Variants in IRAK2 observed in about 807,000 individuals in gnomAD.
The protein encoded by IRAK2 is interleukin-1 receptor-associated kinase-like 2.
IRAK2 carries 57 observed loss-of-function variants against 72.0 expected under a neutral mutation model. The ratio of observed to expected loss-of-function variants is 0.79; its 90% confidence interval spans 0.64 to 0.99. The LOEUF (loss-of-function observed/expected upper bound fraction) is 0.99. IRAK2 is among the 50% of genes least tolerant of loss of function. The pLI, the probability that IRAK2 is intolerant of heterozygous loss-of-function variation, is 0.00. For synonymous variants in IRAK2, 293 were observed against 312.7 expected, an observed-to-expected ratio of 0.94 and a Z score of 0.67; for missense variants, 790 against 794.4, an observed-to-expected ratio of 0.99 and a Z score of 0.07.
chr3:10,183,829 G>T (rs888222659), intron 2 of IRAK2, among the ~76,000 whole-genome samples: 5 of 152,226 alleles, frequency 3.3e-5, no homozygotes, highest in African/African-American at 1.2e-4. Flanking sequence ...GCTGGCCAGA[G>T]TCAGCCCCTT....
rs192908659 is a variant in IRAK2 at position 10,186,064 on chromosome 3, C to T, written c.277+8044C>T. ...CAGCCTGGGTGACAGAGCAAGACTC[C>T]GTCTCAACAACAACAACAACAACAA... On this transcript the variant is annotated intron_variant, in intron 2 of 12. Coordinates refer to ENST00000256458, the MANE Select transcript of IRAK2 (RefSeq NM_001570.4). Among the ~76,000 whole-genome samples the T allele has an allele frequency of 1.0e-3, 154 of 150,614 alleles. 1 individual carries two copies. The highest frequency in any genetic ancestry group is 7.9e-4 in the Non-Finnish European group (54 of 67,990).
Position 10,216,004 on chromosome 3 carries a change from T to TA in IRAK2, c.789-928dup, listed in dbSNP as rs958287230. 2.0e-4 allele frequency among the ~76,000 whole-genome samples: 31 copies of TA among 152,100 alleles called. 1 individual carries two copies. The highest frequency in any genetic ancestry group is 5.8e-4 in the African/African-American group (24 of 41,478). On this transcript the variant is annotated intron_variant, in intron 6 of 12. Coordinates refer to ENST00000256458, the MANE Select transcript of IRAK2 (RefSeq NM_001570.4). ...GAGACTGACATGTAAATAACTCTAA[T>TA]AAGTATGCAAAAGCGAGTAATAGGA...
intron 2 of IRAK2, 55 bp downstream of exon 2, chr3:10,178,075 C>G: frequency 2.8e-6 from 4 of 1,418,208 alleles, no homozygotes; most frequent in Middle Eastern, 2.5e-4. Context: ...TGAGCAGTTT[C>G]CATCCGTGTG....
intron 3 of IRAK2, among the ~76,000 whole-genome samples, chr3:10,206,878 A>ATC (rs1697441248): frequency 6.8e-6 from 1 of 147,414 alleles, no homozygotes; most frequent in African/African-American, 2.5e-5. Context: ...TTTTTTTGAT[A>ATC]CAGTCTCGCT....
At chr3:10,224,286 G>A (rs399977) in intron 9 of IRAK2, among the ~76,000 whole-genome samples, 10,011 of 150,356 alleles carry the variant, frequency 0.067, 502 homozygotes, top group East Asian at 0.21. Context: ...GCAGTAAGCC[G>A]AGATCGCGCC....
intron 12 of IRAK2, 111 bp from the exon 13 acceptor site, chr3:10,242,005 G>A (rs1698068149): frequency 3.8e-6 from 2 of 527,556 alleles, no homozygotes; most frequent in Non-Finnish European, 6.7e-6. Context: ...AAAAAGAAAT[G>A]CTCATTACAC....
chr3:10,164,943 C>G lies in IRAK2; in HGVS notation c.-12C>G, dbSNP rs1696654824. ...CAGTCGTCCCGCGCCGGAGCCGGCCCCGTAGCGTGCCATGGCCTGCTACAT... is the reference window on the plus strand; with the variant it reads ...CAGTCGTCCCGCGCCGGAGCCGGCCGCGTAGCGTGCCATGGCCTGCTACAT... On this transcript the variant is annotated 5_prime_UTR_variant, in exon 1 of 13. Transcript: ENST00000256458. The G allele has an allele frequency of 2.5e-6, 4 of 1,599,762 alleles. No individual in the cohort carries two copies. Among genetic ancestry groups the G allele is most frequent in the South Asian group, 1.1e-5 (1 of 89,612 alleles).
chr3:10,222,812 A>G lies in IRAK2; in HGVS notation c.1190A>G (p.Asp397Gly). ...IRVGQLTKRV[D>G]IFSCGIVLAE... Reference sequence around the variant, plus strand: ...GTGGGGCAGCTGACAAAGCGAGTGGACATCTTCAGCTGTGGAATAGTAAGA... The same window carrying G: ...GTGGGGCAGCTGACAAAGCGAGTGGGCATCTTCAGCTGTGGAATAGTAAGA... Residue 397 changes from aspartate (D) to glycine (G), a missense_variant, in exon 9 of 13, where the codon GAC (aspartate) becomes GGC (glycine). Coordinates refer to ENST00000256458, the MANE Select transcript of IRAK2 (RefSeq NM_001570.4). The G allele has an allele frequency of 1.2e-6, 2 of 1,614,142 alleles. No homozygotes were observed. The highest frequency in any genetic ancestry group is 1.7e-6 in the Non-Finnish European group (2 of 1,180,008).
intron 11 of IRAK2, among the ~76,000 whole-genome samples, chr3:10,236,204 A>G (rs1181208399): frequency 6.6e-6 from 1 of 152,102 alleles, no homozygotes; most frequent in Non-Finnish European, 1.5e-5. Flanking sequence ...CAGCACGTTC[A>G]AGGGCCTGGA....
intron 2 of IRAK2, among the ~76,000 whole-genome samples, chr3:10,193,398 G>A (rs1254340889): frequency 6.6e-6 from 1 of 151,918 alleles, no homozygotes; most frequent in East Asian, 1.9e-4. Flanking sequence ...GAGCCCAGGA[G>A]TTTGAGATCA....
chr3:10,181,974 T>C (rs1360518638), intron 2 of IRAK2, among the ~76,000 whole-genome samples: 2 of 149,532 alleles, frequency 1.3e-5, no homozygotes, highest in Non-Finnish European at 3.0e-5. Context: ...TCTTTTCTTT[T>C]TTTTTTTTTT....
chr3:10,228,616 A>G (rs972770090), intron 10 of IRAK2, among the ~76,000 whole-genome samples: 11 of 152,172 alleles, frequency 7.2e-5, no homozygotes, highest in African/African-American at 2.4e-4. Context: ...ACAATTTTTT[A>G]AAATGTAGTT....
At chr3:10,209,802 G>A in intron 4 of IRAK2, 110 bp downstream of exon 4, 1 of 559,538 alleles carries the variant, frequency 1.8e-6, no homozygotes, top group Middle Eastern at 2.8e-4. Flanking sequence ...GTGGAGAGGA[G>A]AAAGGAAATT....
chr3:10,210,882 A>G (rs756241942), intron 4 of IRAK2, among the ~76,000 whole-genome samples: 7 of 152,030 alleles, frequency 4.6e-5, no homozygotes, highest in Non-Finnish European at 7.4e-5. Flanking sequence ...GTTTTTTTTG[A>G]GGAGTCTCGC....
intron 3 of IRAK2, among the ~76,000 whole-genome samples, chr3:10,209,130 C>T (rs377366955): frequency 2.0e-5 from 3 of 152,140 alleles, no homozygotes; most frequent in South Asian, 2.1e-4. Flanking sequence ...CTCGCTCTCC[C>T]GTGGGATGTA....
At chr3:10,189,186 T>TG (rs1697133876) in intron 2 of IRAK2, among the ~76,000 whole-genome samples, 1 of 152,082 alleles carries the variant, frequency 6.6e-6, no homozygotes, top group Non-Finnish European at 1.5e-5. Flanking sequence ...GAGGATTTGA[T>TG]CTCATCAGGG....
chr3:10,219,290 C>T (rs538614871), intron 7 of IRAK2, among the ~76,000 whole-genome samples: 40 of 151,866 alleles, frequency 2.6e-4, no homozygotes, highest in African/African-American at 9.7e-4. Context: ...AGCCTGGGAC[C>T]CTGCCATCAG....
chr3:10,193,467 A>AACAAAT (rs1247449322), intron 2 of IRAK2, among the ~76,000 whole-genome samples: 1 of 151,672 alleles, frequency 6.6e-6, no homozygotes, highest in Non-Finnish European at 1.5e-5. Flanking sequence ...CAAAAACAAA[A>AACAAAT]ACAAAATTAG....
At chr3:10,222,444 C>T (rs961801280) in intron 8 of IRAK2, among the ~76,000 whole-genome samples, 192 bp from the exon 9 acceptor site, 2 of 152,148 alleles carry the variant, frequency 1.3e-5, no homozygotes, top group African/African-American at 4.8e-5. Context: ...TCTCCATTTG[C>T]TGGAGGGAGT....
Sources: gnomAD v4.1 joint callset for allele counts (sites outside exome capture counted in the v4.1 genomes callset) on GRCh38, gnomAD v4.1.1 for gene constraint, MANE v1.5 for transcripts, NCBI Gene and HGNC (gene_info 2026-07-23, HGNC 2026-07-21) for gene names.